CENPH: variants seen among roughly 807,000 people sequenced by gnomAD.
The protein encoded by CENPH is centromere protein H, also known as CENP-H.
CENPH carries 40 observed loss-of-function variants against 42.9 expected under a neutral mutation model. The ratio of observed to expected loss-of-function variants is 0.93; its 90% CI spans 0.72 to 1.21. The LOEUF is 1.21. Among genes scored for constraint, CENPH ranks in the 50% most tolerant of loss-of-function variants. The probability of loss-of-function intolerance (pLI) is 0.00; values close to 1 mark genes in which losing one functional copy is unlikely to be tolerated. For synonymous variants in CENPH, 88 were observed against 96.5 expected, an observed-to-expected ratio of 0.91 and a Z score of 0.52; for missense variants, 302 against 292.9, an observed-to-expected ratio of 1.03 and a Z score of -0.23.
rs369607336 is a variant in CENPH at position 69,198,366 on chromosome 5, T to C, written c.371+1257T>C. 4.6e-5 allele frequency among the ~76,000 whole-genome samples: 7 copies of C among 151,902 alleles called. No individual in the cohort carries two copies. The South Asian group carries it at 1.5e-3, about 32-fold the overall frequency. ...TCACTCAGACTGGAGTGCAGCTCAC[T>C]CCAACCTCCATCTCTGCGGTTCAAG... On this transcript the variant is annotated intron_variant, in intron 5 of 8. Coordinates refer to ENST00000283006, the MANE Select transcript of CENPH (RefSeq NM_022909.4).
In CENPH at chr5:69,191,823, T is replaced by C. The variant is rs918259014; in HGVS notation, c.163T>C (p.Leu55=). 1 of 1,551,336 alleles carries C rather than the reference T, an allele frequency of 6.4e-7. No homozygotes were observed. The highest frequency in any genetic ancestry group is 8.9e-7 in the Non-Finnish European group (1 of 1,123,980). ...GAGAGCACAGACAAAACAACAACTC[T>C]TAGAATATAAATCAATGGTTGATGC... is the stretch of plus-strand genomic sequence containing the variant. The part of the protein sequence containing the change: ...RLRAQTKQQL[L]EYKSMVDASE... The change falls in exon 2 of 9, where the codon TTA becomes CTA. Residue 55 remains leucine, a synonymous_variant. Transcript: ENST00000283006.
chr5:69,190,733 T>G (rs1321675124), intron 1 of CENPH, among the ~76,000 whole-genome samples: 2 of 152,056 alleles, frequency 1.3e-5, no homozygotes, highest in Non-Finnish European at 2.9e-5. Flanking sequence ...CTACTAAAAA[T>G]ACAAAAATTA....
chr5:69,202,689 G>A (rs535821020), intron 6 of CENPH, 120 bp downstream of exon 6: 20 of 701,198 alleles, frequency 2.9e-5, no homozygotes, highest in East Asian at 1.1e-4. Flanking sequence ...ATTGGAATTC[G>A]CTGTCCTTGA....
rs368213086 is a variant in CENPH, at chr5:69,189,727, C to T, written c.93C>T (p.Ala31=). ...GCGGGCCACCGCAGGTCGCCGGCGC[C>T]CAGGCGGCGTGCAGCGAGGACCGCA... ...RAGGPPQVAG[A]QAACSEDRMT... is the part of the protein sequence containing the mutation. Residue 31 remains alanine, a synonymous_variant, in exon 1 of 9, where the codon GCC becomes GCT. Coordinates refer to ENST00000283006, the MANE Select transcript of CENPH (RefSeq NM_022909.4). 41 of 1,557,430 alleles carry T rather than the reference C, an allele frequency of 2.6e-5. No individual in the cohort carries two copies. In the Middle Eastern group the frequency reaches 6.7e-4, roughly 25 times the overall value.
At chr5:69,200,112 CA>C (rs373894870) in intron 5 of CENPH, among the ~76,000 whole-genome samples, 1,408 of 51,420 alleles carry the variant, frequency 0.027, 6 homozygotes, top group African/African-American at 0.063. Flanking sequence ...GACTCTGTCT[CA>C]AAAAAAAAAA....
chr5:69,195,123 G>T (rs1374074135), intron 3 of CENPH, among the ~76,000 whole-genome samples: 2 of 152,096 alleles, frequency 1.3e-5, no homozygotes, highest in Admixed American at 1.3e-4. Flanking sequence ...CAGCTACTCG[G>T]GAGGCTGAGG....
rs754015650 is a variant in CENPH, at chr5:69,208,360, G to GT, written c.651+2dup. ...TACTGTTATTCAACATGTGTTCCAG[G>GT]TAACATTTATATAAACTAGCAAGAG... On this transcript the variant is annotated splice_donor_variant, in intron 8 of 8. Coordinates refer to ENST00000283006, the MANE Select transcript of CENPH (RefSeq NM_022909.4). LOFTEE classifies it high-confidence loss of function. 1 of 1,575,554 alleles carries GT rather than the reference G, an allele frequency of 6.3e-7. No individual in the cohort carries two copies. Among genetic ancestry groups the GT allele is most frequent in the Non-Finnish European group, 8.7e-7 (1 of 1,151,448 alleles).
Position 69,194,543 on chromosome 5 carries a change from C to T in CENPH, c.191-104C>T, listed in dbSNP as rs1050524988. 20 of 603,712 alleles carry T rather than the reference C, an allele frequency of 3.3e-5. No individual in the cohort carries two copies. In the Admixed American group the frequency reaches 4.2e-4, roughly 13 times the overall value. 37.4% of individuals were successfully genotyped at this position (603,712 alleles called of 1,614,324 possible). A position where few individuals can be genotyped will look rare whatever the true frequency, so the allele number is the denominator to read the frequency against. ...CTGTTTCTTTTCTGTAATGTGAAAA[C>T]GACATTTTAAATGATGTCTTTTGCC... On this transcript the variant is annotated intron_variant, in intron 2 of 8. Coordinates refer to ENST00000283006, the MANE Select transcript of CENPH (RefSeq NM_022909.4).
chr5:69,195,468 G>A (rs564013478), intron 3 of CENPH, among the ~76,000 whole-genome samples: 158 of 152,204 alleles, frequency 1.0e-3, no homozygotes, highest in Non-Finnish European at 2.1e-3. Flanking sequence ...AATTTGGGAT[G>A]GAGATTTATA....
chr5:69,195,006 G>A (rs891160818), intron 3 of CENPH, among the ~76,000 whole-genome samples: 8 of 151,608 alleles, frequency 5.3e-5, no homozygotes, highest in African/African-American at 1.5e-4. Flanking sequence ...AAGGTGGGTG[G>A]ATCACCCGAG....
chr5:69,194,572 G>C, intron 2 of CENPH, 75 bp from the exon 3 acceptor site: 3 of 794,510 alleles, frequency 3.8e-6, no homozygotes, highest in Non-Finnish European at 4.1e-6. Context: ...TTTTGCCCTT[G>C]TGGCTTACAT....
At position 69,208,332 on chromosome 5, in the gene CENPH, T is replaced by C; in HGVS notation, c.624T>C (p.Ile208=). 6.3e-7 allele frequency: 1 copy of C among 1,596,712 alleles called. No individual in the cohort carries two copies. The highest frequency in any genetic ancestry group is 1.1e-5 in the South Asian group (1 of 89,474). ...AAAACCTACAGATGGAGATAAAAAT[T>C]ACTACTGTTATTCAACATGTGTTCC... The part of the protein sequence containing the change: ...IRQNLQMEIK[I]TTVIQHVFQN... Residue 208 remains isoleucine (I), a synonymous_variant, in exon 8 of 9, where the codon ATT becomes ATC. Transcript: ENST00000283006.
At chr5:69,205,258 C>CGCTCT (rs57489319) in intron 7 of CENPH, among the ~76,000 whole-genome samples, 67,192 of 150,820 alleles carry the variant, frequency 0.45, 15,037 homozygotes, top group South Asian at 0.55. Context: ...GAAATAGTTT[C>CGCTCT]GCTCTGTTGT....
intron 7 of CENPH, among the ~76,000 whole-genome samples, chr5:69,204,023 T>TATATAATATATAA (rs1748102289): frequency 6.6e-5 from 3 of 45,362 alleles, no homozygotes; most frequent in African/African-American, 9.4e-5. Context: ...ATATATAAAT[T>TATATAATATATAA]ATATATATAA....
Position 69,191,489 on chromosome 5 carries a change from G to A in CENPH, c.135-306G>A, listed in dbSNP as rs536801157. 3.3e-4 allele frequency among the ~76,000 whole-genome samples: 51 copies of A among 152,288 alleles called. No homozygotes were observed. In the East Asian group the frequency reaches 9.1e-3, roughly 27 times the overall value. The stretch of plus-strand genomic sequence containing the variant: ...ATTGCGCCACTGCACTCCAGCCTGG[G>A]CAAGAGTGCAAGACTCCGTCTCAAA... On this transcript the variant is annotated intron_variant, in intron 1 of 8. Coordinates refer to ENST00000283006, the MANE Select transcript of CENPH (RefSeq NM_022909.4).
chr5:69,200,606 C>G (rs1444136421), intron 5 of CENPH, among the ~76,000 whole-genome samples: 1 of 151,662 alleles, frequency 6.6e-6, no homozygotes, highest in Admixed American at 6.6e-5. Context: ...CCCTTTTGAC[C>G]TTCTCAGTTA....
intron 1 of CENPH, 128 bp downstream of exon 1, chr5:69,189,896 A>G (rs947578798): frequency 1.7e-5 from 18 of 1,060,588 alleles, no homozygotes; most frequent in Non-Finnish European, 2.3e-5. Context: ...TGCCTCATTC[A>G]CTTAAACTGT....
intron 1 of CENPH, 69 bp from the exon 2 acceptor site, chr5:69,191,726 G>C (rs956111944): frequency 3.5e-6 from 3 of 857,322 alleles, no homozygotes; most frequent in African/African-American, 1.7e-5. Context: ...GAGTTGGTTC[G>C]TCATGTGGTA....
intron 7 of CENPH, among the ~76,000 whole-genome samples, chr5:69,207,333 CA>C (rs1728431913): frequency 1.3e-5 from 2 of 151,752 alleles, no homozygotes; most frequent in Admixed American, 6.6e-5. Flanking sequence ...GGATTATAGG[CA>C]CATGTCACCA....
Sources: allele counts gnomAD v4.1 joint callset (sites outside exome capture counted in the v4.1 genomes callset), GRCh38; gene constraint gnomAD v4.1.1; transcripts MANE v1.5; gene names NCBI Gene and HGNC (gene_info 2026-07-23, HGNC 2026-07-21).